The following ANAPC5 variants were observed in gnomAD, a reference collection of about 807,000 sequenced individuals.
ANAPC5 encodes anaphase-promoting complex subunit 5.
In ANAPC5, 60 loss-of-function variants were observed where a neutral mutation model predicts 91.3. The observed-to-expected ratio is 0.66, with a 90% CI of 0.53 to 0.81. The LOEUF (loss-of-function observed/expected upper bound fraction) is 0.81, where lower values mean the gene tolerates loss of function less well. ANAPC5 is among the 40% of genes least tolerant of loss of function. The pLI, the probability that ANAPC5 is intolerant of heterozygous loss-of-function variation, is 0.00. For missense variants in ANAPC5, 690 were observed against 931.5 expected (o/e 0.74, Z 3.37); for synonymous variants, 340 against 364.1 (o/e 0.93, Z 0.75).
At position 121,330,644 on chromosome 12, in the gene ANAPC5, C is replaced by G; in HGVS notation, c.1061G>C (p.Arg354Thr). Residue 354 changes from arginine to threonine, a missense_variant, in exon 9 of 17, where the codon AGA (arginine) becomes ACA (threonine). By Grantham distance (71) the Arg-to-Thr change is moderately conservative. Transcript: ENST00000261819. ...LSWLYVLGQKRSDSYVLLEHS... is the reference protein window; with the variant it reads ...LSWLYVLGQKTSDSYVLLEHS... Reference sequence around the variant, plus strand: ...CTCCAGCAGAACATAGCTATCGGATCTCTTCTGCCCCAGCACATAAAGCCA... The same window carrying G: ...CTCCAGCAGAACATAGCTATCGGATGTCTTCTGCCCCAGCACATAAAGCCA... The G allele has an allele frequency of 6.2e-7, 1 of 1,614,140 alleles. No individual in the cohort carries two copies. The highest frequency in any genetic ancestry group is 8.5e-7 in the Non-Finnish European group (1 of 1,179,998).
chr12:121,331,541 G>T, intron 7 of ANAPC5, 113 bp from the exon 8 acceptor site: 1 of 801,342 alleles, frequency 1.2e-6, no homozygotes, highest in Non-Finnish European at 2.0e-6. Context: ...TGGGTTGGAA[G>T]CTGTAACTAT....
rs1902453096 is a variant in ANAPC5 at position 121,318,341 on chromosome 12, A to T, written c.1829T>A (p.Leu610His). ...ALPMLLQALA[L>H]SKEYRLQYLA... Reference sequence around the variant, plus strand: ...GTACTGTAACCGGTACTCCTTGGAGAGGGCCAGAGCCTGCAGGAGCATGGG... The same window carrying T: ...GTACTGTAACCGGTACTCCTTGGAGTGGGCCAGAGCCTGCAGGAGCATGGG... The change falls in exon 15 of 17, where the codon CTC (leucine) becomes CAC (histidine). Residue 610 changes from leucine to histidine, a missense_variant. Coordinates refer to ENST00000261819, the MANE Select transcript of ANAPC5 (RefSeq NM_016237.5). 1.2e-6 allele frequency: 2 copies of T among 1,607,908 alleles called. No individual in the cohort carries two copies. The highest frequency in any genetic ancestry group is 2.7e-5 in the African/African-American group (2 of 74,606).
chr12:121,322,143 C>T (rs1468181516), intron 11 of ANAPC5, among the ~76,000 whole-genome samples: 1 of 149,836 alleles, frequency 6.7e-6, no homozygotes, highest in Non-Finnish European at 1.5e-5. Context: ...GGATTACAGG[C>T]GTGAGCCACC....
At chr12:121,341,489 AAAC>A (rs1187206393) in intron 5 of ANAPC5, among the ~76,000 whole-genome samples, 1 of 152,222 alleles carries the variant, frequency 6.6e-6, no homozygotes, top group African/African-American at 2.4e-5. Flanking sequence ...TCTGTCTCAA[AAAC>A]AACAAAAAAA....
intron 12 of ANAPC5, 136 bp from the exon 13 acceptor site, chr12:121,319,954 T>G: frequency 1.2e-6 from 1 of 859,096 alleles, no homozygotes; most frequent in South Asian, 2.3e-5. Flanking sequence ...GGATTTAAAA[T>G]TTTTTTAAAA....
At position 121,352,144 on chromosome 12, in the gene ANAPC5, G is replaced by C. The variant is rs1275783975; in HGVS notation, c.197C>G (p.Pro66Arg). The change falls in exon 1 of 17, where the codon CCC (proline) becomes CGC (arginine). Residue 66 changes from proline (P) to arginine (R), a missense_variant. By Grantham distance (103) the Pro-to-Arg change is moderately radical (BLOSUM62 -2). Transcript: ENST00000261819. ...GCGGGCGCCTCTCACCTGCAGCAGGGGCAGGAGCAGCTGGTTGAGCCTCCG... is the reference window on the plus strand; with the variant it reads ...GCGGGCGCCTCTCACCTGCAGCAGGCGCAGGAGCAGCTGGTTGAGCCTCCG... The part of the protein sequence containing the change: ...ERRRLNQLLL[P>R]LLQGPDITLS... The C allele has an allele frequency of 6.2e-7, 1 of 1,608,606 alleles. No individual in the cohort carries two copies. Among genetic ancestry groups the C allele is most frequent in the South Asian group, 1.1e-5 (1 of 90,918 alleles).
At position 121,352,353 on chromosome 12, in the gene ANAPC5, C is replaced by T. The variant is rs782723850; in HGVS notation, c.-13G>A. The T allele has an allele frequency of 4.0e-4, 640 of 1,587,178 alleles. 1 individual carries two copies. The African/African-American group carries it at 7.4e-3, about 18-fold the overall frequency. ...GGACGCTGGCCATGGCGGCCCGAGA[C>T]TAAGTCTCGGGCCCGCGGCGCGCTG... On this transcript the variant is annotated 5_prime_UTR_variant, in exon 1 of 17. Transcript: ENST00000261819.
intron 6 of ANAPC5, among the ~76,000 whole-genome samples, 157 bp from the exon 7 acceptor site, chr12:121,335,880 A>G (rs146587849): frequency 5.3e-5 from 8 of 152,364 alleles, no homozygotes; most frequent in Admixed American, 1.3e-4. Flanking sequence ...GAGGCAGAAT[A>G]AAACAGCTTC....
chr12:121,319,758 G>T lies in ANAPC5; in HGVS notation c.1576C>A (p.His526Asn), dbSNP rs1404773489. 6 of 1,612,422 alleles carry T rather than the reference G, an allele frequency of 3.7e-6. No homozygotes were observed. Among genetic ancestry groups the T allele is most frequent in the Non-Finnish European group, 5.1e-6 (6 of 1,179,392 alleles). The change falls in exon 13 of 17, where the codon CAT (histidine) becomes AAT (asparagine). Residue 526 changes from histidine to asparagine, a missense_variant. Transcript: ENST00000261819. Reference protein sequence around the residue: ...FDRAMNDGKYHLADSLVTGIT... With the variant: ...FDRAMNDGKYNLADSLVTGIT... ...CCTGTAACAAGTGAATCAGCCAAAT[G>T]ATATTTGCCATCATTCATTGCTCTG...
intron 10 of ANAPC5, 130 bp downstream of exon 10, chr12:121,328,186 A>G: frequency 2.4e-6 from 2 of 824,318 alleles, no homozygotes; most frequent in Non-Finnish European, 3.8e-6. Context: ...AGTCTAAAAC[A>G]TAGTCCCCTG....
intron 11 of ANAPC5, among the ~76,000 whole-genome samples, chr12:121,323,593 A>G (rs1902700863): frequency 6.6e-6 from 1 of 152,056 alleles, no homozygotes; most frequent in Admixed American, 6.6e-5. Flanking sequence ...CAGCCTCCCA[A>G]AGTGCTGGGA....
intron 4 of ANAPC5, 111 bp downstream of exon 4, chr12:121,345,728 G>T (rs1250352658): frequency 3.6e-6 from 4 of 1,109,754 alleles, no homozygotes; most frequent in African/African-American, 1.6e-5. Context: ...AGATCTGGAA[G>T]GGTAAAAAGG....
chr12:121,346,130 C>G (rs1364905948), intron 3 of ANAPC5, 99 bp from the exon 4 acceptor site: 1 of 980,006 alleles, frequency 1.0e-6, no homozygotes, highest in African/African-American at 1.7e-5. Flanking sequence ...TGGAATTCTT[C>G]CTTCAGAAGA....
chr12:121,326,907 G>C (rs1902840232), intron 11 of ANAPC5, among the ~76,000 whole-genome samples, 189 bp downstream of exon 11: 1 of 152,100 alleles, frequency 6.6e-6, no homozygotes, highest in African/African-American at 2.4e-5. Context: ...GCCAAAAAAA[G>C]ACCTCAAATT....
intron 1 of ANAPC5, among the ~76,000 whole-genome samples, chr12:121,348,370 G>A (rs11616052): frequency 0.042 from 6,419 of 152,274 alleles, 170 homozygotes; most frequent in South Asian, 0.078. Flanking sequence ...AGTCTATAAA[G>A]AGTATGACGA....
At chr12:121,324,103 C>T (rs1199641775) in intron 11 of ANAPC5, among the ~76,000 whole-genome samples, 1 of 152,278 alleles carries the variant, frequency 6.6e-6, no homozygotes, top group East Asian at 1.9e-4. Context: ...TACCACAAAA[C>T]AACGTGCACC....
rs190567775 is a variant in ANAPC5, at chr12:121,320,691, T to C, written c.1441-232A>G. Reference sequence around the variant, plus strand: ...GATCTCGGCTCATTGCAAGCTCCGCTTCCCGGGTTCACGCCATTCTCCTGC... The same window carrying C: ...GATCTCGGCTCATTGCAAGCTCCGCCTCCCGGGTTCACGCCATTCTCCTGC... On this transcript the variant is annotated intron_variant, in intron 11 of 16. Transcript: ENST00000261819. 8.9e-3 allele frequency: 2,808 copies of C among 316,868 alleles called. 32 individuals are homozygous for C. Among genetic ancestry groups the C allele is most frequent in the South Asian group, 0.043 (546 of 12,846 alleles). The allele number at this position is 316,868 out of a possible 1,614,324, so 19.6% of individuals were successfully genotyped here. A position where few individuals can be genotyped will look rare whatever the true frequency, so the allele number is the denominator to read the frequency against.
intron 4 of ANAPC5, among the ~76,000 whole-genome samples, chr12:121,345,149 TG>T (rs1403729957): frequency 6.6e-6 from 1 of 152,098 alleles, no homozygotes; most frequent in Non-Finnish European, 1.5e-5. Flanking sequence ...GCTGAGGGAC[TG>T]GGGTGAAGGA....
rs1902291813 is a variant in ANAPC5, at chr12:121,314,824, T to TA, written c.1893+3452_1893+3453insT. ...TTTTCTATTTTTAGTAGAGACGGGG[T>TA]TTCACCATGTTGTCCAGGCTGGTCT... On this transcript the variant is annotated intron_variant, in intron 15 of 16. Coordinates refer to ENST00000261819, the MANE Select transcript of ANAPC5 (RefSeq NM_016237.5). Among the ~76,000 whole-genome samples the TA allele has an allele frequency of 2.0e-5, 3 of 151,790 alleles. No individual in the cohort carries two copies. In the South Asian group the frequency reaches 6.2e-4, roughly 32 times the overall value.
Sources: gnomAD v4.1 joint callset for allele counts (sites outside exome capture counted in the v4.1 genomes callset) on GRCh38, gnomAD v4.1.1 for gene constraint, MANE v1.5 for transcripts, NCBI Gene and HGNC (gene_info 2026-07-23, HGNC 2026-07-21) for gene names.